The following TSPAN14 variants were observed in gnomAD, a reference collection of about 807,000 sequenced individuals.
The protein encoded by TSPAN14 is tetraspanin 14, also known as tetraspanin-14.
In TSPAN14, 16 loss-of-function variants were observed where a neutral mutation model predicts 36.6. That is an observed-to-expected ratio of 0.44 (90% confidence interval 0.30 to 0.66). The LOEUF is 0.66. Ranked by LOEUF, TSPAN14 falls within the 30% of genes least tolerant of loss-of-function variation. The probability of loss-of-function intolerance (pLI) is 0.12; values close to 1 mark genes in which losing one functional copy is unlikely to be tolerated. For synonymous variants in TSPAN14, 139 were observed against 143.8 expected, an observed-to-expected ratio of 0.97 and a Z score of 0.24; for missense variants, 231 against 355.1, an observed-to-expected ratio of 0.65 and a Z score of 2.81.
chr10:80,501,512 G>A (rs1483025161), intron 2 of TSPAN14, among the ~76,000 whole-genome samples: 1 of 152,196 alleles, frequency 6.6e-6, no homozygotes, highest in African/African-American at 2.4e-5. Context: ...GTGGAGGAGA[G>A]AGGGGAGCTC....
chr10:80,457,031 C>T (rs1228135920), intron 1 of TSPAN14, among the ~76,000 whole-genome samples: 1 of 152,084 alleles, frequency 6.6e-6, no homozygotes, highest in Non-Finnish European at 1.5e-5. Flanking sequence ...CGTTGCACTC[C>T]AGCCTGGGCA....
chr10:80,507,586 C>A lies in TSPAN14; in HGVS notation c.279+212C>A, dbSNP rs544836701. Among the ~76,000 whole-genome samples, 7 of 152,354 alleles carry A rather than the reference C, an allele frequency of 4.6e-5. No individual in the cohort carries two copies. The South Asian group carries it at 1.2e-3, about 27-fold the overall frequency. On this transcript the variant is annotated intron_variant, in intron 4 of 8. Coordinates refer to ENST00000429989, the Ensembl canonical transcript of TSPAN14. ...GAATTAGGTACCCTCTGGTTTTTAG[C>A]CCTGGGTGGGAGGAGCCAGCTGCCT...
rs79132024 is a variant in TSPAN14, at chr10:80,516,067, G to A, written c.622-137G>A. 2,966 of 1,340,752 alleles carry A rather than the reference G, an allele frequency of 2.2e-3. 55 individuals are homozygous for A. In the African/African-American group the frequency reaches 0.036, roughly 16 times the overall value. 83.1% of individuals were successfully genotyped at this position (1,340,752 alleles called of 1,614,324 possible). A position where few individuals can be genotyped will look rare whatever the true frequency, so the allele number is the denominator to read the frequency against. ...GAGAGGAGCTGACGAGCATCTCCTGGAGAGTCCTCCTTGCCTGCCTCCTGG... is the reference window on the plus strand; with the variant it reads ...GAGAGGAGCTGACGAGCATCTCCTGAAGAGTCCTCCTTGCCTGCCTCCTGG... On this transcript the variant is annotated intron_variant, in intron 7 of 8. Coordinates refer to ENST00000429989, the Ensembl canonical transcript of TSPAN14.
At position 80,504,796 on chromosome 10, in the gene TSPAN14, A is replaced by G. The variant is rs1377025479; in HGVS notation, c.132+18A>G. ...GCGAAAAGGTAGGTGTAACTGTCGC[A>G]GGACACTGAGCTTCAGGCAGCCAAA... On this transcript the variant is annotated intron_variant, in intron 3 of 8. Transcript: ENST00000429989. 1 of 1,614,138 alleles carries G rather than the reference A, an allele frequency of 6.2e-7. No individual in the cohort carries two copies. Among genetic ancestry groups the G allele is most frequent in the Non-Finnish European group, 8.5e-7 (1 of 1,179,978 alleles).
At position 80,518,168 on chromosome 10, in the gene TSPAN14, C is replaced by T. The variant is rs141685070; in HGVS notation, c.*192C>T. On this transcript the variant is annotated 3_prime_UTR_variant, in exon 9 of 9. Coordinates refer to ENST00000429989, the Ensembl canonical transcript of TSPAN14. The stretch of plus-strand genomic sequence containing the variant: ...ACCAAGGGTCCCCCTTGTTACCTGC[C>T]CAAACTTGTGACTGCATCCCTCTGG... 1.1e-4 allele frequency: 70 copies of T among 620,312 alleles called. 1 individual carries two copies. Among genetic ancestry groups the T allele is most frequent in the African/African-American group, 8.3e-4 (45 of 54,370 alleles). The allele number at this position is 620,312 out of a possible 1,614,324, so 38.4% of individuals were successfully genotyped here.
intron 1 of TSPAN14, among the ~76,000 whole-genome samples, chr10:80,481,205 G>A (rs186472007): frequency 6.6e-6 from 1 of 152,278 alleles, no homozygotes; most frequent in Non-Finnish European, 1.5e-5. Flanking sequence ...AACAAAGACT[G>A]GATCTTCTTT....
Position 80,508,398 on chromosome 10 carries a change from G to T in TSPAN14, c.280-903G>T, listed in dbSNP as rs4633400. On this transcript the variant is annotated intron_variant, in intron 4 of 8. Coordinates refer to ENST00000429989, the Ensembl canonical transcript of TSPAN14. ...CTCCCAAAGTGCTGGGATTACAGGCGTGAACCACCGCGCCCGGCCGTGTGT... is the reference window on the plus strand; with the variant it reads ...CTCCCAAAGTGCTGGGATTACAGGCTTGAACCACCGCGCCCGGCCGTGTGT... Among the ~76,000 whole-genome samples the T allele has an allele frequency of 8.5e-3, 1,299 of 152,256 alleles. 27 individuals are homozygous for T. The highest frequency in any genetic ancestry group is 0.029 in the African/African-American group (1,221 of 41,544).
intron 4 of TSPAN14, among the ~76,000 whole-genome samples, chr10:80,508,198 C>T (rs1298311544): frequency 1.3e-5 from 2 of 151,322 alleles, no homozygotes; most frequent in South Asian, 4.2e-4. Flanking sequence ...TAACTGCAAG[C>T]TCCGCCTCCC....
chr10:80,506,487 C>T (rs1840309445), intron 3 of TSPAN14, among the ~76,000 whole-genome samples: 1 of 152,164 alleles, frequency 6.6e-6, no homozygotes, highest in African/African-American at 2.4e-5. Context: ...CTCTCCGGTC[C>T]CTTAGTTCAA....
exon 9 of TSPAN14, chr10:80,521,911 G>GAAAAAAAAAAAA (rs998499950): frequency 1.1e-5 from 1 of 90,620 alleles, no homozygotes; most frequent in Non-Finnish European, 2.3e-5. Flanking sequence ...GCTCAAAAAA[G>GAAAAAAAAAAAA]AAAAAAAAAA....
chr10:80,520,540 A>T (rs1050727662), exon 9 of TSPAN14: 2 of 493,154 alleles, frequency 4.1e-6, no homozygotes, highest in African/African-American at 3.9e-5. Context: ...CACCATGCAC[A>T]TGCTAACTTT....
chr10:80,521,911 G>GAAAAAAA (rs998499950), exon 9 of TSPAN14: 2 of 90,620 alleles, frequency 2.2e-5, no homozygotes, highest in Admixed American at 2.7e-4. Context: ...GCTCAAAAAA[G>GAAAAAAA]AAAAAAAAAA....
At chr10:80,480,847 G>T (rs1415825072) in intron 1 of TSPAN14, among the ~76,000 whole-genome samples, 1 of 152,080 alleles carries the variant, frequency 6.6e-6, no homozygotes, top group Non-Finnish European at 1.5e-5. Flanking sequence ...GAGTTAATGG[G>T]TGCAGCACAC....
chr10:80,520,888 A>G (rs1243222212), exon 9 of TSPAN14: 1 of 514,784 alleles, frequency 1.9e-6, no homozygotes, highest in Non-Finnish European at 4.0e-6. Flanking sequence ...CAGGCTCGCC[A>G]GTTCTCTGAC....
chr10:80,495,592 C>G (rs1309932205), intron 2 of TSPAN14, among the ~76,000 whole-genome samples: 2 of 152,170 alleles, frequency 1.3e-5, no homozygotes, highest in Non-Finnish European at 2.9e-5. Context: ...AGATTATTGC[C>G]TGGCACACAG....
chr10:80,490,687 A>G (rs1847879299), intron 2 of TSPAN14, among the ~76,000 whole-genome samples: 1 of 152,178 alleles, frequency 6.6e-6, no homozygotes, highest in African/African-American at 2.4e-5. Context: ...GAAGTAAAGA[A>G]GTGAAGGGGA....
chr10:80,507,297 G>T, exon 4 of TSPAN14: 3 of 1,614,248 alleles, frequency 1.9e-6, no homozygotes, highest in Non-Finnish European at 2.5e-6. Context: ...GGTCCTGATG[G>T]TGGGCGTGGT....
chr10:80,516,478 T>A (rs1053291983), intron 8 of TSPAN14, among the ~76,000 whole-genome samples, 155 bp downstream of exon 8: 1 of 151,930 alleles, frequency 6.6e-6, no homozygotes, highest in South Asian at 2.1e-4. Flanking sequence ...GCTGAGAGAG[T>A]GTATGCGTGT....
At position 80,497,356 on chromosome 10, in the gene TSPAN14, A is replaced by G. The variant is rs374666935; in HGVS notation, c.82-7372A>G. Among the ~76,000 whole-genome samples the G allele has an allele frequency of 4.6e-5, 7 of 152,290 alleles. No individual in the cohort carries two copies. The East Asian group carries it at 9.7e-4, about 21-fold the overall frequency. On this transcript the variant is annotated intron_variant, in intron 2 of 8. Transcript: ENST00000429989. ...AGTTTACAGCTGAGCTTTTCAGACTATGGCTTGCAGGCCAAACCTGGCCTT... is the reference window on the plus strand; with the variant it reads ...AGTTTACAGCTGAGCTTTTCAGACTGTGGCTTGCAGGCCAAACCTGGCCTT...
Sources: gnomAD v4.1 joint callset for allele counts (sites outside exome capture counted in the v4.1 genomes callset) on GRCh38, gnomAD v4.1.1 for gene constraint, MANE v1.5 for transcripts, NCBI Gene and HGNC (gene_info 2026-07-23, HGNC 2026-07-21) for gene names.